The following ULK4 variants were observed in gnomAD, a reference collection of about 807,000 sequenced individuals.
The protein encoded by ULK4 is inactive serine/threonine-protein kinase ULK4.
ULK4 carries 133 observed loss-of-function variants against 160.6 expected under a neutral mutation model. That is an observed-to-expected ratio of 0.83 (90% CI 0.72 to 0.96). The LOEUF (loss-of-function observed/expected upper bound fraction) is 0.96. Ranked by LOEUF, ULK4 falls within the 40% of genes least tolerant of loss-of-function variation. ULK4 has a pLI of 0.00. For missense variants in ULK4, 1,580 were observed against 1,499.5 expected, an observed-to-expected ratio of 1.05 and a Z score of -0.89; for synonymous variants, 534 against 539.8, an observed-to-expected ratio of 0.99 and a Z score of 0.15.
intron 17 of ULK4, among the ~76,000 whole-genome samples, chr3:41,878,610 A>G (rs1312219857): frequency 1.3e-5 from 2 of 150,966 alleles, no homozygotes; most frequent in Admixed American, 6.6e-5. Flanking sequence ...GAATAAGAAA[A>G]TTATCATTTT....
At chr3:41,762,923 A>G (rs1223988477) in intron 21 of ULK4, among the ~76,000 whole-genome samples, 1 of 152,106 alleles carries the variant, frequency 6.6e-6, no homozygotes, top group East Asian at 1.9e-4. Flanking sequence ...TCAGCCTCCC[A>G]AAATGCTGGG....
intron 27 of ULK4, among the ~76,000 whole-genome samples, chr3:41,694,995 A>G (rs2036440471): frequency 6.6e-6 from 1 of 152,180 alleles, no homozygotes; most frequent in Non-Finnish European, 1.5e-5. Flanking sequence ...TGTGTTTCTC[A>G]CAGTTTAGGA....
chr3:41,521,847 A>G (rs902807159), intron 32 of ULK4, among the ~76,000 whole-genome samples: 5 of 152,228 alleles, frequency 3.3e-5, no homozygotes, highest in African/African-American at 9.6e-5. Flanking sequence ...AATAAGTTGT[A>G]GACTCTAGAT....
chr3:41,672,246 A>G (rs1363020563), intron 29 of ULK4, among the ~76,000 whole-genome samples: 1 of 152,208 alleles, frequency 6.6e-6, no homozygotes, highest in African/African-American at 2.4e-5. Flanking sequence ...AAATCAATGT[A>G]TCAAAGAAAC....
intron 35 of ULK4, among the ~76,000 whole-genome samples, chr3:41,301,709 C>G (rs1018711804): frequency 1.8e-4 from 27 of 152,034 alleles, no homozygotes; most frequent in African/African-American, 6.0e-4. Context: ...ACCATAAAAT[C>G]AAAAGGCTGA....
At position 41,281,752 on chromosome 3, in the gene ULK4, G is replaced by C. The variant is rs1575391229; in HGVS notation, c.3679-32178C>G. Among the ~76,000 whole-genome samples, 3 of 152,354 alleles carry C rather than the reference G, an allele frequency of 2.0e-5. No homozygotes were observed. The Middle Eastern group carries it at 0.01, about 518-fold the overall frequency. ...TTGAAAACCAGCACAAAACAAGGAT[G>C]CCCTCTCTCACCACTCCTATTCAAC... is the stretch of plus-strand genomic sequence containing the variant. On this transcript the variant is annotated intron_variant, in intron 35 of 36. Transcript: ENST00000301831.
intron 31 of ULK4, among the ~76,000 whole-genome samples, chr3:41,578,382 T>C (rs897167453): frequency 1.3e-5 from 2 of 152,200 alleles, no homozygotes; most frequent in African/African-American, 4.8e-5. Flanking sequence ...GCTTACCTTT[T>C]CTTAGACTCT....
intron 3 of ULK4, 21 bp downstream of exon 3, chr3:41,938,077 T>G: frequency 6.4e-7 from 1 of 1,565,374 alleles, no homozygotes; most frequent in South Asian, 1.2e-5. Context: ...TTCATAGCAC[T>G]TTTTACATAC....
In ULK4 at chr3:41,919,705, G is replaced by C. The variant is rs750360442; in HGVS notation, c.643+12C>G. 6.2e-7 allele frequency: 1 copy of C among 1,610,150 alleles called. No homozygotes were observed. Among genetic ancestry groups the C allele is most frequent in the African/African-American group, 1.3e-5 (1 of 74,930 alleles). ...CCAGCTCTGATTTTATACCTATTCA[G>C]GAAACAATTACCTGAAAACATTTCA... On this transcript the variant is annotated intron_variant, in intron 6 of 36. Coordinates refer to ENST00000301831, the MANE Select transcript of ULK4 (RefSeq NM_017886.4).
At chr3:41,950,061 AG>A (rs1321477867) in intron 2 of ULK4, among the ~76,000 whole-genome samples, 1 of 151,442 alleles carries the variant, frequency 6.6e-6, no homozygotes, top group African/African-American at 2.4e-5. Flanking sequence ...TGATTGATGC[AG>A]GTACTGGCAA....
At position 41,388,459 on chromosome 3, in the gene ULK4, T is replaced by A. The variant is rs562939327; in HGVS notation, c.3678+9620A>T. 1.1e-4 allele frequency among the ~76,000 whole-genome samples: 16 copies of A among 152,198 alleles called. 1 individual carries two copies. In the East Asian group the frequency reaches 3.1e-3, roughly 29 times the overall value. On this transcript the variant is annotated intron_variant, in intron 35 of 36. Transcript: ENST00000301831. ...CATGAAGTCCTTGCCCATGCCTATG[T>A]CCTGAATGGTATTGCCTAGGTTTTC...
intron 31 of ULK4, among the ~76,000 whole-genome samples, chr3:41,569,035 T>A (rs1206213872): frequency 6.6e-6 from 1 of 152,146 alleles, no homozygotes; most frequent in East Asian, 1.9e-4. Context: ...ACAAAAGACA[T>A]GGATGGAGAG....
chr3:41,955,620 T>C (rs1465407907), intron 1 of ULK4: 3 of 156,794 alleles, frequency 1.9e-5, no homozygotes, highest in South Asian at 1.8e-4. Flanking sequence ...TGGCGCGCCA[T>C]GGAGTTGCTC....
chr3:41,774,117 G>C (rs531704200), intron 21 of ULK4, among the ~76,000 whole-genome samples: 5 of 152,118 alleles, frequency 3.3e-5, no homozygotes, highest in South Asian at 4.2e-4. Context: ...ACCATAAAGA[G>C]CCTAGAAGAA....
intron 19 of ULK4, among the ~76,000 whole-genome samples, chr3:41,803,686 C>T (rs1310353190): frequency 6.6e-6 from 1 of 152,090 alleles, no homozygotes; most frequent in Admixed American, 6.5e-5. Context: ...CTTCCTGTGT[C>T]CATGTGTTCT....
intron 32 of ULK4, among the ~76,000 whole-genome samples, chr3:41,504,021 C>A (rs888625109): frequency 6.8e-6 from 1 of 146,888 alleles, no homozygotes; most frequent in Non-Finnish European, 1.5e-5. Flanking sequence ...AACAAAATCT[C>A]CCCATAGAAA....
chr3:41,706,910 G>GAGAC (rs2036921809), intron 25 of ULK4, among the ~76,000 whole-genome samples: 1 of 148,508 alleles, frequency 6.7e-6, no homozygotes, highest in African/African-American at 2.5e-5. Context: ...TAGAGAGAGA[G>GAGAC]AGAGAATAGA....
chr3:41,877,788 C>T (rs1697363309), intron 17 of ULK4, among the ~76,000 whole-genome samples: 1 of 151,808 alleles, frequency 6.6e-6, no homozygotes. Context: ...TTGAGACCAG[C>T]CTGGCCAACA....
At chr3:41,881,452 A>G (rs1697518208) in intron 17 of ULK4, among the ~76,000 whole-genome samples, 1 of 152,158 alleles carries the variant, frequency 6.6e-6, no homozygotes, top group South Asian at 2.1e-4. Context: ...TTAAATTATC[A>G]CAGCCAATTG....
Sources: gnomAD v4.1 joint callset for allele counts (sites outside exome capture counted in the v4.1 genomes callset) on GRCh38, gnomAD v4.1.1 for gene constraint, MANE v1.5 for transcripts, NCBI Gene and HGNC (gene_info 2026-07-23, HGNC 2026-07-21) for gene names.